PARP8: variants seen among roughly 807,000 people sequenced by gnomAD.
PARP8 encodes poly(ADP-ribose) polymerase family member 8, also known as protein mono-ADP-ribosyltransferase PARP8.
A neutral mutation model predicts 124.1 loss-of-function variants in PARP8; 51 were observed. That is an observed-to-expected ratio of 0.41 (90% confidence interval 0.33 to 0.52). The LOEUF is 0.52. Ranked by LOEUF, PARP8 falls within the 20% of genes least tolerant of loss-of-function variation. The pLI is 0.21. For missense variants in PARP8, 860 were observed against 1,018.9 expected (o/e 0.84, Z 2.12); for synonymous variants, 391 against 361.5 (o/e 1.08, Z -0.93).
In PARP8 at chr5:50,761,885, AT is replaced by A; in HGVS notation, c.412del (p.Tyr138ThrfsTer5). ...GGTGACAATGATTCCGAAGAATTTT[AT>A]TACGGAGGGCAGGTAAGGAAACCTG... ...SEGDNDSEEF[Y>X]YGGQVNYDGE... On this transcript the variant is annotated frameshift_variant, in exon 6 of 26. Coordinates refer to ENST00000281631, the MANE Select transcript of PARP8 (RefSeq NM_024615.4). LOFTEE classifies it high-confidence loss of function. 1 of 1,600,528 alleles carries A rather than the reference AT, an allele frequency of 6.2e-7. No individual in the cohort carries two copies. Among genetic ancestry groups the A allele is most frequent in the Non-Finnish European group, 8.5e-7 (1 of 1,170,158 alleles).
At chr5:50,787,400 T>C (rs1741382774) in intron 9 of PARP8, among the ~76,000 whole-genome samples, 1 of 152,184 alleles carries the variant, frequency 6.6e-6, no homozygotes, top group African/African-American at 2.4e-5. Flanking sequence ...GCATATTTTC[T>C]CTTCAGGGGC....
chr5:50,716,552 A>C (rs1303395241), intron 2 of PARP8, among the ~76,000 whole-genome samples: 1 of 152,050 alleles, frequency 6.6e-6, no homozygotes, highest in Non-Finnish European at 1.5e-5. Flanking sequence ...TTTCTGTTGG[A>C]ATCTCCTATT....
chr5:50,838,199 G>C (rs1747796446), intron 25 of PARP8, among the ~76,000 whole-genome samples: 1 of 152,082 alleles, frequency 6.6e-6, no homozygotes, highest in African/African-American at 2.4e-5. Context: ...AGTCTGTGCA[G>C]TAATTTTATA....
chr5:50,830,994 A>G (rs1252713283), intron 22 of PARP8, among the ~76,000 whole-genome samples: 1 of 152,106 alleles, frequency 6.6e-6, no homozygotes, highest in African/African-American at 2.4e-5. Flanking sequence ...TAATTTATTT[A>G]CCAAAGTTCA....
Position 50,669,804 on chromosome 5 carries a change from A to C in PARP8, c.146+1679A>C, listed in dbSNP as rs985471582. 1.1e-3 allele frequency among the ~76,000 whole-genome samples: 163 copies of C among 152,326 alleles called. 1 individual carries two copies. Among genetic ancestry groups the C allele is most frequent in the African/African-American group, 3.7e-3 (154 of 41,574 alleles). The stretch of plus-strand genomic sequence containing the variant: ...TTCCTATTTTATGTAATTTTATTAA[A>C]GGATAGTGTTTTCTTTTGTCACTGA... On this transcript the variant is annotated intron_variant, in intron 2 of 25. Coordinates refer to ENST00000281631, the MANE Select transcript of PARP8 (RefSeq NM_024615.4).
In PARP8 at chr5:50,778,089, A is replaced by T; in HGVS notation, c.539A>T (p.Asp180Val). 6.2e-7 allele frequency: 1 copy of T among 1,608,568 alleles called. No homozygotes were observed. The highest frequency in any genetic ancestry group is 8.5e-7 in the Non-Finnish European group (1 of 1,178,220). ...VSLREYGAID[D>V]VDIDLHIDVS... ...TTCAGGGAATATGGAGCCATTGATG[A>T]TGTAGATATTGATCTGCATATCGAT... Residue 180 changes from aspartate to valine, a missense_variant, in exon 8 of 26, where the codon GAT becomes GTT. Around this residue, in one of 2 missense-constraint regions of PARP8, gnomAD observed 517 missense variants for 544.2 expected, o/e 0.95. Coordinates refer to ENST00000281631, the MANE Select transcript of PARP8 (RefSeq NM_024615.4).
intron 2 of PARP8, among the ~76,000 whole-genome samples, chr5:50,724,316 T>C (rs1033282219): frequency 6.6e-6 from 1 of 152,166 alleles, no homozygotes; most frequent in African/African-American, 2.4e-5. Context: ...GCATGCAAAT[T>C]GCTAAGTTTT....
chr5:50,669,934 A>T (rs1378992750), intron 2 of PARP8, among the ~76,000 whole-genome samples: 3 of 152,210 alleles, frequency 2.0e-5, no homozygotes, highest in Non-Finnish European at 4.4e-5. Flanking sequence ...TTAAAAGAGA[A>T]AGACAATTGG....
chr5:50,790,762 A>G (rs1362121025), intron 10 of PARP8, among the ~76,000 whole-genome samples: 1 of 152,204 alleles, frequency 6.6e-6, no homozygotes, highest in Non-Finnish European at 1.5e-5. Flanking sequence ...AGTAACATAT[A>G]TAACATATTT....
At chr5:50,812,868 T>C (rs1744623329) in intron 14 of PARP8, among the ~76,000 whole-genome samples, 2 of 152,214 alleles carry the variant, frequency 1.3e-5, no homozygotes, top group South Asian at 4.1e-4. Flanking sequence ...CCCTATTTCT[T>C]GTTTTTGTCA....
At chr5:50,828,820 G>A (rs2149713256) in intron 21 of PARP8, among the ~76,000 whole-genome samples, 1 of 151,898 alleles carries the variant, frequency 6.6e-6, no homozygotes, top group Admixed American at 6.6e-5. Flanking sequence ...GGGAGGTGAA[G>A]GTGAAGGTGG....
At chr5:50,787,904 T>C (rs946125763) in intron 9 of PARP8, among the ~76,000 whole-genome samples, 5 of 150,104 alleles carry the variant, frequency 3.3e-5, no homozygotes, top group Non-Finnish European at 7.4e-5. Flanking sequence ...TGTTAGTATA[T>C]ATGTATATAT....
chr5:50,750,726 CT>C (rs1212931214), intron 3 of PARP8, among the ~76,000 whole-genome samples: 6 of 152,006 alleles, frequency 3.9e-5, no homozygotes, highest in Admixed American at 2.6e-4. Flanking sequence ...TTTGAAAATA[CT>C]TTCTTAAATC....
At chr5:50,667,928 C>G (rs1749540131) in intron 1 of PARP8, 143 bp from the exon 2 acceptor site, 1 of 1,538,340 alleles carries the variant, frequency 6.5e-7, no homozygotes, top group Non-Finnish European at 8.7e-7. Flanking sequence ...GGACGCGGCG[C>G]AGAGGGACCT....
chr5:50,720,599 AC>A (rs538896747), intron 2 of PARP8, among the ~76,000 whole-genome samples: 43 of 152,182 alleles, frequency 2.8e-4, no homozygotes, highest in African/African-American at 7.9e-4. Context: ...ACTGGGCAGA[AC>A]TTAATTATAT....
chr5:50,673,026 TA>T (rs1218779461), intron 2 of PARP8, among the ~76,000 whole-genome samples: 1 of 152,216 alleles, frequency 6.6e-6, no homozygotes, highest in African/African-American at 2.4e-5. Flanking sequence ...ATTTTTTAAA[TA>T]AAAAATTAAC....
At chr5:50,751,543 G>A (rs1246172899) in intron 3 of PARP8, among the ~76,000 whole-genome samples, 1 of 152,106 alleles carries the variant, frequency 6.6e-6, no homozygotes, top group Non-Finnish European at 1.5e-5. Flanking sequence ...AGAATTTTCA[G>A]TTGGCTGATG....
rs1360728074 is a variant in PARP8 at position 50,832,870 on chromosome 5, T to C, written c.2307+16T>C. 6.2e-7 allele frequency: 1 copy of C among 1,609,068 alleles called. No individual in the cohort carries two copies. Among genetic ancestry groups the C allele is most frequent in the South Asian group, 1.1e-5 (1 of 90,962 alleles). On this transcript the variant is annotated intron_variant, in intron 23 of 25. Coordinates refer to ENST00000281631, the MANE Select transcript of PARP8 (RefSeq NM_024615.4). ...TACATCACAGGTGTTGTAGTGACTT[T>C]AGTGACTGCTTATGATTAGTGAACT...
chr5:50,739,532 A>T (rs1345763799), intron 2 of PARP8, among the ~76,000 whole-genome samples: 1 of 151,834 alleles, frequency 6.6e-6, no homozygotes, highest in Non-Finnish European at 1.5e-5. Context: ...AATCCAAATA[A>T]GCAGAAAGGA....
Sources: allele counts gnomAD v4.1 joint callset (sites outside exome capture counted in the v4.1 genomes callset), GRCh38; gene constraint gnomAD v4.1.1; regional missense constraint gnomAD v4.1.1; transcripts MANE v1.5; gene names NCBI Gene and HGNC (gene_info 2026-07-23, HGNC 2026-07-21).